The following PSKH2 variants were observed in gnomAD, a reference collection of about 807,000 sequenced individuals.
The protein encoded by PSKH2 is protein serine kinase H2.
Under a neutral mutation model 22.5 loss-of-function variants are expected in PSKH2, and 16 were observed. The observed-to-expected ratio is 0.71, with a 90% confidence interval of 0.48 to 1.08. The LOEUF (loss-of-function observed/expected upper bound fraction) is 1.08. Among genes scored for constraint, PSKH2 ranks in the 50% least tolerant of loss-of-function variants. The pLI is 0.00. For synonymous variants in PSKH2, 188 were observed against 184.8 expected, an observed-to-expected ratio of 1.02 and a Z score of -0.14; for missense variants, 516 against 492.8, an observed-to-expected ratio of 1.05 and a Z score of -0.44.
intron 1 of PSKH2, chr8:86,066,266 C>A (rs1332248793): frequency 6.8e-6 from 1 of 146,496 alleles, no homozygotes; most frequent in African/African-American, 2.5e-5. Flanking sequence ...GTGGCATGAT[C>A]TTGGCTGACT....
Position 86,069,587 on chromosome 8 carries a change from C to T in PSKH2, c.36G>A (p.Gly12=). 6.3e-7 allele frequency: 1 copy of T among 1,596,268 alleles called. No individual in the cohort carries two copies. Among genetic ancestry groups the T allele is most frequent in the South Asian group, 1.1e-5 (1 of 89,072 alleles). ...GCGASRKVVP[G]PPALAWAKHE... is the part of the protein sequence containing the mutation. ...GCTTGGCCCAAGCCAGCGCTGGTGG[C>T]CCCGGGACCACCTTCCTGCTGGCGC... The change falls in exon 1 of 3, where the codon GGG becomes GGA. Residue 12 remains glycine, a synonymous_variant. Transcript: ENST00000276616.
chr8:86,069,281 A>C (rs1362344565), intron 1 of PSKH2, among the ~76,000 whole-genome samples, 157 bp downstream of exon 1: 1 of 152,140 alleles, frequency 6.6e-6, no homozygotes, highest in Non-Finnish European at 1.5e-5. Context: ...GAAGATTTAC[A>C]TCTCAAAAGG....
At chr8:86,058,031 A>G (rs1334501676) in intron 2 of PSKH2, among the ~76,000 whole-genome samples, 1 of 152,234 alleles carries the variant, frequency 6.6e-6, no homozygotes, top group East Asian at 1.9e-4. Flanking sequence ...ACCAGAAGGA[A>G]GGGGTGAAGA....
chr8:86,057,061 G>A (rs1272442110), intron 2 of PSKH2, among the ~76,000 whole-genome samples: 1 of 151,704 alleles, frequency 6.6e-6, no homozygotes, highest in Non-Finnish European at 1.5e-5. Context: ...TAGGACTATA[G>A]GCACATGTCA....
At chr8:86,062,784 G>A (rs1817798599) in intron 2 of PSKH2, among the ~76,000 whole-genome samples, 1 of 152,150 alleles carries the variant, frequency 6.6e-6, no homozygotes, top group African/African-American at 2.4e-5. Context: ...AATGGACTAA[G>A]ACAGTTCTAG....
chr8:86,048,337 G>T lies in PSKH2; in HGVS notation c.*125C>A. The T allele has an allele frequency of 4.3e-6, 3 of 705,018 alleles. No individual in the cohort carries two copies. The highest frequency in any genetic ancestry group is 6.9e-6 in the Non-Finnish European group (3 of 437,056). 43.7% of individuals were successfully genotyped at this position (705,018 alleles called of 1,614,324 possible). A position where few individuals can be genotyped will look rare whatever the true frequency, so the allele number is the denominator to read the frequency against. On this transcript the variant is annotated 3_prime_UTR_variant, in exon 3 of 3. Transcript: ENST00000276616. ...AGGAAAAATTATAGAACAAGAAAATGTTAAAAGTCAAGATCAATAGTATCC... is the reference window on the plus strand; with the variant it reads ...AGGAAAAATTATAGAACAAGAAAATTTTAAAAGTCAAGATCAATAGTATCC...
At chr8:86,064,660 T>G (rs1285855104) in intron 1 of PSKH2, 29 bp from the exon 2 acceptor site, 6 of 1,543,210 alleles carry the variant, frequency 3.9e-6, no homozygotes, top group Non-Finnish European at 5.3e-6. Flanking sequence ...AAACATGTTA[T>G]CCCCAGAAGT....
chr8:86,064,307 C>A lies in PSKH2; in HGVS notation c.510G>T (p.Gly170=), dbSNP rs1242723230. The A allele has an allele frequency of 6.2e-7, 1 of 1,614,110 alleles. No individual in the cohort carries two copies. Among genetic ancestry groups the A allele is most frequent in the Non-Finnish European group, 8.5e-7 (1 of 1,180,012 alleles). Residue 170 remains glycine (G), a synonymous_variant, in exon 2 of 3, where the codon GGG becomes GGT. Transcript: ENST00000276616. The stretch of plus-strand genomic sequence containing the variant: ...TCTGCAGCGCATGCAAATACCTAAT[C>A]CCATCAGCAACCATCTGGAGGATCC... ...AVRILQMVAD[G]IRYLHALQIT... is the part of the protein sequence containing the mutation.
chr8:86,064,051 G>A lies in PSKH2; in HGVS notation c.766C>T (p.Leu256Phe). 1 of 1,614,130 alleles carries A rather than the reference G, an allele frequency of 6.2e-7. No individual in the cohort carries two copies. Among genetic ancestry groups the A allele is most frequent in the African/African-American group, 1.3e-5 (1 of 75,040 alleles). The change falls in exon 2 of 3, where the codon CTT (leucine) becomes TTT (phenylalanine). Residue 256 changes from leucine to phenylalanine, a missense_variant. Physicochemically the swap from Leu to Phe is conservative, Grantham distance 22 (BLOSUM62 0). Transcript: ENST00000276616. Reference protein sequence around the residue: ...WALGVITYALLSGFLPFDDES... With the variant: ...WALGVITYALFSGFLPFDDES... The stretch of plus-strand genomic sequence containing the variant: ...TCATCAAAAGGCAGGAATCCGCTAA[G>A]TAAAGCATATGTGATCACACCAAGA...
intron 2 of PSKH2, among the ~76,000 whole-genome samples, chr8:86,057,431 G>T (rs1817716047): frequency 6.6e-6 from 1 of 151,860 alleles, no homozygotes; most frequent in African/African-American, 2.4e-5. Flanking sequence ...GGAGTGCAGT[G>T]GCTGGAGTGC....
intron 2 of PSKH2, among the ~76,000 whole-genome samples, chr8:86,062,807 A>T (rs1817798939): frequency 1.3e-5 from 2 of 152,222 alleles, no homozygotes; most frequent in African/African-American, 4.8e-5. Context: ...TCATATTTTC[A>T]AACTACTTTC....
intron 1 of PSKH2, among the ~76,000 whole-genome samples, chr8:86,068,382 T>C (rs187272436): frequency 7.2e-5 from 11 of 152,274 alleles, no homozygotes; most frequent in African/African-American, 2.2e-4. Context: ...ATGTCCAACA[T>C]GTCCAACATG....
intron 2 of PSKH2, among the ~76,000 whole-genome samples, chr8:86,049,746 GAAAC>G (rs1317920884): frequency 0.22 from 2,556 of 11,688 alleles, 268 homozygotes; most frequent in Non-Finnish European, 0.26. Flanking sequence ...AAGAAAGAAA[GAAAC>G]GAAAGAAAGA....
At chr8:86,049,720 AAG>A in intron 2 of PSKH2, among the ~76,000 whole-genome samples, 2 of 73,136 alleles carry the variant, frequency 2.7e-5, no homozygotes, top group African/African-American at 5.2e-5. Context: ...GAAAGAAAGA[AAG>A]AAAGAAAGAA....
chr8:86,052,647 T>G (rs1343226868), intron 2 of PSKH2, among the ~76,000 whole-genome samples: 1 of 152,196 alleles, frequency 6.6e-6, no homozygotes, highest in Non-Finnish European at 1.5e-5. Flanking sequence ...TGACTGCACT[T>G]AGAGAACTGG....
chr8:86,049,074 C>G (rs906563696), intron 2 of PSKH2, among the ~76,000 whole-genome samples: 1 of 152,254 alleles, frequency 6.6e-6, no homozygotes, highest in South Asian at 2.1e-4. Flanking sequence ...GTTATCAATA[C>G]GAGTTCCCAT....
rs1817541085 is a variant in PSKH2, at chr8:86,047,263, G to A, written c.*1199C>T. 6.6e-6 allele frequency among the ~76,000 whole-genome samples: 1 copy of A among 151,896 alleles called. No homozygotes were observed. Among genetic ancestry groups the A allele is most frequent in the Non-Finnish European group, 1.5e-5 (1 of 67,994 alleles). Reference sequence around the variant, plus strand: ...TTATTTATCTAATGAATTTGTAAGTGTCTTTCTATATTAAAGGAATTAATC... The same window carrying A: ...TTATTTATCTAATGAATTTGTAAGTATCTTTCTATATTAAAGGAATTAATC... On this transcript the variant is annotated 3_prime_UTR_variant, in exon 3 of 3. Coordinates refer to ENST00000276616, the MANE Select transcript of PSKH2 (RefSeq NM_033126.3).
intron 1 of PSKH2, 69 bp from the exon 2 acceptor site, chr8:86,064,700 CTT>C (rs1817834397): frequency 8.4e-7 from 1 of 1,187,316 alleles, no homozygotes; most frequent in African/African-American, 1.5e-5. Context: ...TAAGTCCATG[CTT>C]TATATCATCT....
chr8:86,067,362 A>AG (rs1398829877), intron 1 of PSKH2, among the ~76,000 whole-genome samples: 1 of 151,116 alleles, frequency 6.6e-6, no homozygotes, highest in Non-Finnish European at 1.5e-5. Flanking sequence ...TAAAGTGCCT[A>AG]GCACAGAGGA....
Sources: gnomAD v4.1 joint callset for allele counts (sites outside exome capture counted in the v4.1 genomes callset) on GRCh38, gnomAD v4.1.1 for gene constraint, MANE v1.5 for transcripts, NCBI Gene and HGNC (gene_info 2026-07-23, HGNC 2026-07-21) for gene names.